Variants in STXBP5L observed in about 807,000 individuals in gnomAD.
The protein encoded by STXBP5L is syntaxin-binding protein 5-like.
In STXBP5L, 65 loss-of-function variants were observed where a neutral mutation model predicts 144.5. The observed-to-expected ratio is 0.45, with a 90% CI of 0.37 to 0.55. The LOEUF (loss-of-function observed/expected upper bound fraction) is 0.55. STXBP5L is among the 20% of genes least tolerant of loss of function. STXBP5L has a pLI of 0.00. For missense variants in STXBP5L, 1,298 were observed against 1,405.5 expected (o/e 0.92, Z 1.22); for synonymous variants, 505 against 469.6 (o/e 1.08, Z -0.97).
chr3:120,945,106 A>T (rs1710777782), intron 2 of STXBP5L, among the ~76,000 whole-genome samples: 3 of 151,802 alleles, frequency 2.0e-5, no homozygotes, highest in African/African-American at 4.8e-5. Context: ...ATCTCAAATT[A>T]TATCAATTCA....
intron 5 of STXBP5L, among the ~76,000 whole-genome samples, chr3:121,086,778 G>A (rs1168198514): frequency 6.6e-6 from 1 of 151,912 alleles, no homozygotes; most frequent in East Asian, 1.9e-4. Flanking sequence ...CTGGATTTTG[G>A]GTTTTGGGAT....
intron 5 of STXBP5L, among the ~76,000 whole-genome samples, chr3:121,100,717 C>G (rs944765831): frequency 6.6e-6 from 1 of 151,576 alleles, no homozygotes; most frequent in Non-Finnish European, 1.5e-5. Context: ...AATCCTAAAG[C>G]TAGCATCGGA....
At chr3:121,372,486 A>G (rs1393821371) in intron 20 of STXBP5L, among the ~76,000 whole-genome samples, 1 of 152,104 alleles carries the variant, frequency 6.6e-6, no homozygotes, top group Admixed American at 6.5e-5. Flanking sequence ...TCAGATGTCC[A>G]TTGTGGCTAA....
chr3:121,194,443 G>GGATTGCTTGAGCCC (rs1553733477), intron 9 of STXBP5L, among the ~76,000 whole-genome samples: 1 of 150,570 alleles, frequency 6.6e-6, no homozygotes, highest in South Asian at 2.1e-4. Flanking sequence ...GCCTAGGCAG[G>GGATTGCTTGAGCCC]AGGATTGCTT....
At chr3:121,103,574 C>G (rs2043542777) in intron 5 of STXBP5L, among the ~76,000 whole-genome samples, 1 of 152,076 alleles carries the variant, frequency 6.6e-6, no homozygotes, top group Non-Finnish European at 1.5e-5. Context: ...GGGTACTGTG[C>G]TTACCTCAGC....
chr3:120,987,469 T>G (rs1456646955), intron 3 of STXBP5L, among the ~76,000 whole-genome samples: 1 of 151,954 alleles, frequency 6.6e-6, no homozygotes. Flanking sequence ...GATTATTTCT[T>G]TTTTGTAAAG....
chr3:120,998,340 CTG>C (rs1050231047), intron 3 of STXBP5L, among the ~76,000 whole-genome samples: 3 of 152,118 alleles, frequency 2.0e-5, no homozygotes, highest in Admixed American at 6.6e-5. Context: ...ACCCTGTAAT[CTG>C]TGCCCCAAAG....
intron 20 of STXBP5L, among the ~76,000 whole-genome samples, chr3:121,362,314 C>T (rs2045734968): frequency 6.6e-6 from 1 of 152,178 alleles, no homozygotes. Flanking sequence ...ACTCAAGGTC[C>T]TGGGGCTCTA....
intron 3 of STXBP5L, among the ~76,000 whole-genome samples, chr3:120,990,269 C>A (rs2107952738): frequency 6.6e-6 from 1 of 152,276 alleles, no homozygotes; most frequent in East Asian, 1.9e-4. Context: ...AGGACCTCTT[C>A]AAGGAGAACT....
At position 121,332,613 on chromosome 3, in the gene STXBP5L, G is replaced by A. The variant is rs149028563; in HGVS notation, c.2176+14073G>A. Among the ~76,000 whole-genome samples, 646 of 151,760 alleles carry A rather than the reference G, an allele frequency of 4.3e-3. 5 individuals are homozygous for A. Among genetic ancestry groups the A allele is most frequent in the African/African-American group, 0.015 (616 of 41,410 alleles). On this transcript the variant is annotated intron_variant, in intron 20 of 26. Transcript: ENST00000471454. ...ATGAACAAAGTCTCCAAGAAATATG[G>A]GATTACATAATCCCATGACCAAACT... is the stretch of plus-strand genomic sequence containing the variant.
intron 22 of STXBP5L, among the ~76,000 whole-genome samples, chr3:121,399,954 T>C (rs2046831593): frequency 6.6e-6 from 1 of 152,214 alleles, no homozygotes; most frequent in African/African-American, 2.4e-5. Flanking sequence ...CCCCAAAGTT[T>C]CTGATTCAGT....
intron 9 of STXBP5L, among the ~76,000 whole-genome samples, chr3:121,172,834 A>G (rs2046779641): frequency 6.6e-6 from 1 of 152,240 alleles, no homozygotes; most frequent in Non-Finnish European, 1.5e-5. Flanking sequence ...TACTGGGTGT[A>G]TACCCAAAGG....
intron 12 of STXBP5L, among the ~76,000 whole-genome samples, chr3:121,237,462 G>A (rs2049518815): frequency 6.6e-6 from 1 of 152,180 alleles, no homozygotes; most frequent in Non-Finnish European, 1.5e-5. Flanking sequence ...TGATTGTGAT[G>A]GGATGGGTGG....
intron 11 of STXBP5L, among the ~76,000 whole-genome samples, chr3:121,233,367 C>T (rs564763586): frequency 2.6e-5 from 4 of 152,200 alleles, no homozygotes; most frequent in South Asian, 4.1e-4. Context: ...ATCATCACTC[C>T]ATGATTATTG....
At position 121,314,566 on chromosome 3, in the gene STXBP5L, G is replaced by T. The variant is rs1427730842; in HGVS notation, c.2111-3909G>T. Reference sequence around the variant, plus strand: ...AGCAGTACCGTCCAGCTTTGGCTCGGCATCAGAGGGAGACCGTGGAGGGAG... The same window carrying T: ...AGCAGTACCGTCCAGCTTTGGCTCGTCATCAGAGGGAGACCGTGGAGGGAG... On this transcript the variant is annotated intron_variant, in intron 19 of 26. Transcript: ENST00000471454. 7.3e-3 allele frequency among the ~76,000 whole-genome samples: 1,040 copies of T among 143,330 alleles called. 11 individuals are homozygous for T. The highest frequency in any genetic ancestry group is 0.022 in the Middle Eastern group (6 of 274). The allele number at this position is 143,330 out of a possible 152,430, so 94.0% of individuals were successfully genotyped here. A position where few individuals can be genotyped will look rare whatever the true frequency, so the allele number is the denominator to read the frequency against.
chr3:120,990,514 A>C (rs1942737665), intron 3 of STXBP5L, among the ~76,000 whole-genome samples: 1 of 152,166 alleles, frequency 6.6e-6, no homozygotes, highest in Non-Finnish European at 1.5e-5. Context: ...ATCCTAAGCC[A>C]AAACAACAAA....
chr3:121,305,082 T>A (rs2043291269), intron 19 of STXBP5L, among the ~76,000 whole-genome samples: 1 of 152,086 alleles, frequency 6.6e-6, no homozygotes, highest in Non-Finnish European at 1.5e-5. Flanking sequence ...ATTAAGAGAT[T>A]CCTTGAAAGA....
At chr3:121,051,023 A>G (rs1364125596) in intron 5 of STXBP5L, among the ~76,000 whole-genome samples, 1 of 152,250 alleles carries the variant, frequency 6.6e-6, no homozygotes, top group Non-Finnish European at 1.5e-5. Context: ...TCAATTCAAC[A>G]AGAAGAGCTA....
intron 19 of STXBP5L, among the ~76,000 whole-genome samples, chr3:121,283,053 G>A (rs1006599859): frequency 6.6e-6 from 1 of 151,606 alleles, no homozygotes; most frequent in African/African-American, 2.4e-5. Flanking sequence ...TGATTTTATC[G>A]GTAAATATTT....
Sources: gnomAD v4.1 joint callset for allele counts (sites outside exome capture counted in the v4.1 genomes callset) on GRCh38, gnomAD v4.1.1 for gene constraint, MANE v1.5 for transcripts, NCBI Gene and HGNC (gene_info 2026-07-23, HGNC 2026-07-21) for gene names.